GBF1: variants seen among roughly 807,000 people sequenced by gnomAD.
GBF1 encodes the protein golgi brefeldin A resistant guanine nucleotide exchange factor 1, also known as Golgi-specific brefeldin A-resistance guanine nucleotide exchange factor 1.
GBF1 carries 114 observed loss-of-function variants against 210.5 expected under a neutral mutation model. The ratio of observed to expected loss-of-function variants is 0.54; its 90% CI spans 0.47 to 0.63. The LOEUF (loss-of-function observed/expected upper bound fraction) is 0.63, where lower values mean the gene tolerates loss of function less well. Ranked by LOEUF, GBF1 falls within the 30% of genes least tolerant of loss-of-function variation. GBF1 has a pLI of 0.00. For missense variants in GBF1, 1,851 were observed against 2,357.7 expected (o/e 0.79, Z 4.45); for synonymous variants, 850 against 889.2 (o/e 0.96, Z 0.78).
chr10:102,231,649 G>C, the GBF1 span: 1 of 1,612,748 alleles, frequency 6.2e-7, no homozygotes, highest in Non-Finnish European at 8.5e-7. Context: ...GCTCATGTCG[G>C]GGTAGCGGTT....
chr10:102,271,499 G>T (rs1226513654), intron 3 of GBF1, among the ~76,000 whole-genome samples: 3 of 149,002 alleles, frequency 2.0e-5, no homozygotes, highest in Non-Finnish European at 4.5e-5. Context: ...GCTTTTAAAA[G>T]ACAATTTTCT....
In GBF1 at chr10:102,377,151, C is replaced by T. The variant is rs761241057; in HGVS notation, c.4494+11C>T. Reference sequence around the variant, plus strand: ...CAGGTCAGTCAGGACGTAAGTATGGCACCCTTTACTTCCTCTCCTCCCCTG... The same window carrying T: ...CAGGTCAGTCAGGACGTAAGTATGGTACCCTTTACTTCCTCTCCTCCCCTG... On this transcript the variant is annotated intron_variant, in intron 33 of 39. Transcript: ENST00000369983. 16 of 1,603,278 alleles carry T rather than the reference C, an allele frequency of 1.0e-5. No individual in the cohort carries two copies. The highest frequency in any genetic ancestry group is 1.4e-5 in the Non-Finnish European group (16 of 1,170,760).
chr10:102,335,331 C>T (rs1468973758), intron 3 of GBF1, among the ~76,000 whole-genome samples: 2 of 152,148 alleles, frequency 1.3e-5, no homozygotes, highest in Admixed American at 1.3e-4. Flanking sequence ...ACTGTTTGTG[C>T]CTTGAGGTTG....
intron 1 of GBF1, among the ~76,000 whole-genome samples, chr10:102,258,220 A>T (rs1157967529): frequency 1.5e-5 from 2 of 135,354 alleles, no homozygotes; most frequent in Non-Finnish European, 3.1e-5. Flanking sequence ...CAATGGGGCG[A>T]TCTTGGCTCA....
upstream of GBF1, among the ~76,000 whole-genome samples, chr10:102,244,132 C>G (rs1258733172): frequency 2.0e-5 from 3 of 148,282 alleles, no homozygotes; most frequent in Non-Finnish European, 4.4e-5. Flanking sequence ...TCTCTCAAAA[C>G]AAACAAACAA....
intron 3 of GBF1, among the ~76,000 whole-genome samples, chr10:102,317,139 G>T (rs2079001167): frequency 6.6e-6 from 1 of 151,850 alleles, no homozygotes; most frequent in Non-Finnish European, 1.5e-5. Flanking sequence ...ATAACATTTA[G>T]TAGTAATATA....
chr10:102,297,153 C>T (rs537367321), intron 3 of GBF1, among the ~76,000 whole-genome samples: 7 of 152,218 alleles, frequency 4.6e-5, no homozygotes, highest in African/African-American at 1.7e-4. Flanking sequence ...CTATTTGGTC[C>T]CCAAGTGACA....
chr10:102,338,422 T>G (rs1297156903), intron 3 of GBF1, among the ~76,000 whole-genome samples: 1 of 151,666 alleles, frequency 6.6e-6, no homozygotes, highest in East Asian at 2.0e-4. Context: ...TTTTGTATTT[T>G]TATTAGAGAC....
rs1359817686 is a variant in GBF1 at position 102,379,933 on chromosome 10, G to A, written c.4857G>A (p.Arg1619=). The change falls in exon 36 of 40, where the codon AGG becomes AGA. Residue 1619 remains arginine, a synonymous_variant. Transcript: ENST00000369983. ...DVGGMEETRM[R]ASTLLSKVFL... ...GTGGGATGGAGGAGACCCGGATGAG[G>A]GCTTCCACATTGCTCTCTAAGGTAC... 5.0e-6 allele frequency: 8 copies of A among 1,610,236 alleles called. No individual in the cohort carries two copies. Among genetic ancestry groups the A allele is most frequent in the Non-Finnish European group, 5.1e-6 (6 of 1,176,914 alleles).
At chr10:102,347,282 G>A (rs2058638424) in intron 4 of GBF1, among the ~76,000 whole-genome samples, 1 of 152,216 alleles carries the variant, frequency 6.6e-6, no homozygotes. Flanking sequence ...AGGATCCTGA[G>A]CAGGAATCCT....
At chr10:102,248,612 C>A (rs1432873434) in intron 1 of GBF1, among the ~76,000 whole-genome samples, 1 of 151,652 alleles carries the variant, frequency 6.6e-6, no homozygotes, top group Non-Finnish European at 1.5e-5. Flanking sequence ...ACAACCCATG[C>A]CTTTATTTTT....
At chr10:102,246,333 G>A (rs1489192775) in intron 1 of GBF1, among the ~76,000 whole-genome samples, 3 of 152,222 alleles carry the variant, frequency 2.0e-5, no homozygotes, top group Admixed American at 2.0e-4. Context: ...AGGGAACTGG[G>A]CTATGAGAAG....
intron 3 of GBF1, among the ~76,000 whole-genome samples, chr10:102,342,649 G>C (rs1251191784): frequency 2.0e-5 from 3 of 151,982 alleles, no homozygotes; most frequent in Non-Finnish European, 2.9e-5. Flanking sequence ...TGAGTAGGCA[G>C]CTCCCTATAT....
intron 3 of GBF1, among the ~76,000 whole-genome samples, chr10:102,270,593 T>C (rs1326725716): frequency 6.6e-6 from 1 of 152,222 alleles, no homozygotes; most frequent in Non-Finnish European, 1.5e-5. Context: ...ATTATCATTT[T>C]TTTCATGATC....
At chr10:102,345,646 CAAAAAA>C (rs59037566) in intron 4 of GBF1, among the ~76,000 whole-genome samples, 21 of 18,004 alleles carry the variant, frequency 1.2e-3, no homozygotes, top group Non-Finnish European at 2.1e-3. Flanking sequence ...GACTCCGTCT[CAAAAAA>C]AAAAAAAAAA....
intron 3 of GBF1, among the ~76,000 whole-genome samples, chr10:102,341,373 A>G (rs946529577): frequency 6.6e-6 from 1 of 152,368 alleles, no homozygotes; most frequent in African/African-American, 2.4e-5. Flanking sequence ...ATAAAATGAC[A>G]TTGGAAAAGA....
chr10:102,374,533 T>C (rs1268471160), intron 29 of GBF1, among the ~76,000 whole-genome samples: 1 of 151,498 alleles, frequency 6.6e-6, no homozygotes, highest in Non-Finnish European at 1.5e-5. Context: ...TGCTGTGAGC[T>C]ATGATCATAC....
chr10:102,311,846 A>G (rs2078467613), intron 3 of GBF1, among the ~76,000 whole-genome samples: 1 of 152,200 alleles, frequency 6.6e-6, no homozygotes. Context: ...CCCAGCAAAT[A>G]AGAGTCTTTC....
chr10:102,355,241 CTG>C (rs2059225088), intron 8 of GBF1, among the ~76,000 whole-genome samples: 1 of 152,218 alleles, frequency 6.6e-6, no homozygotes, highest in South Asian at 2.1e-4. Flanking sequence ...GTAAAAAACT[CTG>C]TGTATGTACA....
Sources: gnomAD v4.1 joint callset for allele counts (sites outside exome capture counted in the v4.1 genomes callset) on GRCh38, gnomAD v4.1.1 for gene constraint, MANE v1.5 for transcripts, NCBI Gene and HGNC (gene_info 2026-07-23, HGNC 2026-07-21) for gene names.